Variants in ADAMTSL3 observed in about 807,000 individuals in gnomAD.
The protein encoded by ADAMTSL3 is ADAMTS-like protein 3.
ADAMTSL3 carries 128 observed loss-of-function variants against 201.7 expected under a neutral mutation model. That is an observed-to-expected ratio of 0.63 (90% confidence interval 0.55 to 0.73). The LOEUF is 0.73. Among genes scored for constraint, ADAMTSL3 ranks in the 30% least tolerant of loss-of-function variants. The pLI is 0.00. For missense variants in ADAMTSL3, 1,990 were observed against 2,119.6 expected, an observed-to-expected ratio of 0.94 and a Z score of 1.20; for synonymous variants, 738 against 748.4, an observed-to-expected ratio of 0.99 and a Z score of 0.23.
rs558889681 is a variant in ADAMTSL3, at chr15:83,966,875, A to G, written c.2491-3609A>G. 5.6e-3 allele frequency among the ~76,000 whole-genome samples: 852 copies of G among 152,360 alleles called. 11 individuals are homozygous for G. The highest frequency in any genetic ancestry group is 0.02 in the African/African-American group (822 of 41,586). ...CTCCCTGGGATGCAAGGCTGGTTCA[A>G]CATACGAAAATCAATAAACATAATC... On this transcript the variant is annotated intron_variant, in intron 19 of 29. Coordinates refer to ENST00000286744, the MANE Select transcript of ADAMTSL3 (RefSeq NM_207517.3).
At chr15:83,915,416 A>G (rs1596400426) in intron 16 of ADAMTSL3, among the ~76,000 whole-genome samples, 1 of 151,998 alleles carries the variant, frequency 6.6e-6, no homozygotes. Context: ...AAATACTAGA[A>G]TCTACCTTGT....
At chr15:83,931,771 G>A (rs2066362794) in intron 17 of ADAMTSL3, among the ~76,000 whole-genome samples, 1 of 152,210 alleles carries the variant, frequency 6.6e-6, no homozygotes, top group Non-Finnish European at 1.5e-5. Context: ...GAATGGAGCT[G>A]CACTTGTGGT....
intron 25 of ADAMTSL3, among the ~76,000 whole-genome samples, chr15:84,016,791 A>G (rs548208491): frequency 3.1e-4 from 47 of 152,336 alleles, no homozygotes; most frequent in African/African-American, 1.1e-3. Flanking sequence ...AACTATTGCC[A>G]ATTTGGTAAA....
chr15:83,995,959 A>C (rs1431250342), intron 23 of ADAMTSL3, among the ~76,000 whole-genome samples: 1 of 152,214 alleles, frequency 6.6e-6, no homozygotes, highest in Non-Finnish European at 1.5e-5. Flanking sequence ...CAGCAGATTC[A>C]AGCATACAGT....
At chr15:83,806,322 A>G (rs1438106293) in intron 5 of ADAMTSL3, among the ~76,000 whole-genome samples, 2 of 152,202 alleles carry the variant, frequency 1.3e-5, no homozygotes, top group African/African-American at 2.4e-5. Context: ...AAGGTGCACC[A>G]CTACTGCCCT....
chr15:83,857,909 A>G (rs746052854), intron 7 of ADAMTSL3, among the ~76,000 whole-genome samples: 14 of 152,210 alleles, frequency 9.2e-5, no homozygotes, highest in Non-Finnish European at 2.1e-4. Flanking sequence ...ATCTTCAGAG[A>G]GGGGACTAGT....
chr15:83,768,882 G>C (rs2062933082), intron 3 of ADAMTSL3, among the ~76,000 whole-genome samples: 1 of 152,116 alleles, frequency 6.6e-6, no homozygotes, highest in Admixed American at 6.5e-5. Context: ...ACATTAAAAA[G>C]GCAGAAGGGC....
intron 25 of ADAMTSL3, among the ~76,000 whole-genome samples, chr15:84,019,617 G>C (rs2068158676): frequency 6.6e-6 from 1 of 151,990 alleles, no homozygotes; most frequent in Admixed American, 6.6e-5. Context: ...CCAAAGGCCG[G>C]GCGCAGTGGC....
At chr15:83,946,900 A>G (rs1192493921) in intron 19 of ADAMTSL3, among the ~76,000 whole-genome samples, 2 of 152,182 alleles carry the variant, frequency 1.3e-5, no homozygotes, top group African/African-American at 2.4e-5. Context: ...ATGACCTCAC[A>G]TCTAGGAAGC....
At chr15:83,947,390 G>A (rs1219033979) in intron 19 of ADAMTSL3, among the ~76,000 whole-genome samples, 1 of 152,192 alleles carries the variant, frequency 6.6e-6, no homozygotes, top group Non-Finnish European at 1.5e-5. Flanking sequence ...CCATTCATTG[G>A]CTTATGAGTT....
intron 9 of ADAMTSL3, among the ~76,000 whole-genome samples, chr15:83,878,911 T>C (rs1311819262): frequency 6.6e-6 from 1 of 152,276 alleles, no homozygotes; most frequent in East Asian, 1.9e-4. Flanking sequence ...TGTTTGGCAG[T>C]GTGCACCAGG....
At chr15:83,962,262 A>G (rs1264348082) in intron 19 of ADAMTSL3, 4 of 152,144 alleles carry the variant, frequency 2.6e-5, no homozygotes, top group Admixed American at 1.3e-4. Context: ...TCTTTCCTTT[A>G]TAACTTACCC....
intron 8 of ADAMTSL3, among the ~76,000 whole-genome samples, chr15:83,859,694 C>T (rs1318533036): frequency 6.6e-6 from 1 of 152,118 alleles, no homozygotes; most frequent in Admixed American, 6.5e-5. Context: ...TGGTGGTACC[C>T]TGTTGGGTAC....
At chr15:83,935,341 G>A (rs1453352968) in intron 17 of ADAMTSL3, among the ~76,000 whole-genome samples, 1 of 152,086 alleles carries the variant, frequency 6.6e-6, no homozygotes, top group Non-Finnish European at 1.5e-5. Flanking sequence ...ATCATGACTA[G>A]TGCATTCACT....
At chr15:83,691,700 C>T (rs1013410585) in intron 2 of ADAMTSL3, among the ~76,000 whole-genome samples, 20 of 152,162 alleles carry the variant, frequency 1.3e-4, no homozygotes, top group African/African-American at 4.6e-4. Flanking sequence ...TTGCAACCTC[C>T]ACCTCCCAGG....
At chr15:83,784,033 T>C (rs1394630446) in intron 4 of ADAMTSL3, among the ~76,000 whole-genome samples, 1 of 152,182 alleles carries the variant, frequency 6.6e-6, no homozygotes, top group East Asian at 1.9e-4. Flanking sequence ...GGGGACTGAA[T>C]AGGAAGCTGC....
intron 8 of ADAMTSL3, among the ~76,000 whole-genome samples, chr15:83,869,069 C>T (rs1480818337): frequency 6.6e-6 from 1 of 152,168 alleles, no homozygotes; most frequent in Non-Finnish European, 1.5e-5. Context: ...GCCGCGGAAT[C>T]CATTGCACGC....
At chr15:83,919,298 A>T (rs1330025140) in intron 16 of ADAMTSL3, among the ~76,000 whole-genome samples, 1 of 152,140 alleles carries the variant, frequency 6.6e-6, no homozygotes, top group African/African-American at 2.4e-5. Context: ...TCTTGAGGAA[A>T]TTCAACATTC....
intron 8 of ADAMTSL3, among the ~76,000 whole-genome samples, chr15:83,860,375 G>T (rs754109677): frequency 6.6e-6 from 1 of 152,192 alleles, no homozygotes; most frequent in Non-Finnish European, 1.5e-5. Flanking sequence ...AGCTTCCCAT[G>T]TAGGGGTCCC....
Sources: allele counts gnomAD v4.1 joint callset (sites outside exome capture counted in the v4.1 genomes callset), GRCh38; gene constraint gnomAD v4.1.1; transcripts MANE v1.5; gene names NCBI Gene and HGNC (gene_info 2026-07-23, HGNC 2026-07-21).